The following ESRRG variants were observed in gnomAD, a reference collection of about 807,000 sequenced individuals.
ESRRG encodes the protein estrogen related receptor gamma, also known as estrogen-related receptor gamma.
Under a neutral mutation model 44.0 loss-of-function variants are expected in ESRRG, and 13 were observed. That is an observed-to-expected ratio of 0.30 (90% confidence interval 0.19 to 0.47). ESRRG has a LOEUF of 0.47. ESRRG is among the 20% of genes least tolerant of loss of function. ESRRG has a pLI of 1.00. For synonymous variants in ESRRG, 215 were observed against 214.6 expected, an observed-to-expected ratio of 1.00 and a Z score of -0.02; for missense variants, 395 against 580.6, an observed-to-expected ratio of 0.68 and a Z score of 3.29.
intron 2 of ESRRG, among the ~76,000 whole-genome samples, chr1:216,762,917 A>G (rs995464251): frequency 7.2e-5 from 11 of 152,088 alleles, no homozygotes; most frequent in Non-Finnish European, 1.5e-4. Context: ...GAAATTCTCA[A>G]GACTGTAAAT....
At chr1:216,661,936 C>T (rs528340446) in intron 2 of ESRRG, among the ~76,000 whole-genome samples, 1 of 152,078 alleles carries the variant, frequency 6.6e-6, no homozygotes, top group Non-Finnish European at 1.5e-5. Context: ...ATTGGGCTGC[C>T]TTGTTCTACC....
At chr1:216,852,808 T>A (rs1237759840) in intron 2 of ESRRG, among the ~76,000 whole-genome samples, 1 of 152,262 alleles carries the variant, frequency 6.6e-6, no homozygotes, top group Non-Finnish European at 1.5e-5. Context: ...CATCCTACCT[T>A]ATCTTCTTAC....
intron 1 of ESRRG, among the ~76,000 whole-genome samples, chr1:216,941,986 G>T (rs2065303181): frequency 6.6e-6 from 1 of 152,086 alleles, no homozygotes; most frequent in African/African-American, 2.4e-5. Context: ...GCGATGCTGA[G>T]ATTTGGGCTT....
chr1:216,583,503 A>T (rs1379159633), intron 3 of ESRRG, among the ~76,000 whole-genome samples: 1 of 152,224 alleles, frequency 6.6e-6, no homozygotes, highest in East Asian at 1.9e-4. Context: ...CTCATCAGTC[A>T]AGAAGGTTGC....
At chr1:216,681,239 G>A (rs2151560217) in intron 1 of ESRRG, among the ~76,000 whole-genome samples, 1 of 152,208 alleles carries the variant, frequency 6.6e-6, no homozygotes, top group East Asian at 1.9e-4. Flanking sequence ...ATAAACTAGA[G>A]GGGGAAATAA....
chr1:217,037,909 A>G (rs1184154892), intron 1 of ESRRG, among the ~76,000 whole-genome samples: 1 of 152,150 alleles, frequency 6.6e-6, no homozygotes, highest in Non-Finnish European at 1.5e-5. Flanking sequence ...GGGCAGTCAA[A>G]TCTTAAAGCT....
At chr1:216,602,625 T>C (rs571041079) in intron 3 of ESRRG, among the ~76,000 whole-genome samples, 1 of 152,332 alleles carries the variant, frequency 6.6e-6, no homozygotes, top group African/African-American at 2.4e-5. Context: ...TTGGTGATTG[T>C]GCAGCGGAGA....
At position 216,753,168 on chromosome 1, in the gene ESRRG, A is replaced by G. The variant is rs115293600; in HGVS notation, c.-13-75677T>C. Among the ~76,000 whole-genome samples the G allele has an allele frequency of 9.0e-3, 1,358 of 150,204 alleles. 24 individuals carry two copies. Among genetic ancestry groups the G allele is most frequent in the African/African-American group, 0.032 (1,298 of 40,668 alleles). ...CAAAGGCAAAGGACCATATATCTAT[A>G]TATTGATACACACACACACACACAC... On this transcript the variant is annotated intron_variant, in intron 2 of 7. Transcript: ENST00000359162.
At chr1:216,870,821 G>C (rs913067029) in intron 2 of ESRRG, among the ~76,000 whole-genome samples, 4 of 151,676 alleles carry the variant, frequency 2.6e-5, no homozygotes, top group Non-Finnish European at 5.9e-5. Context: ...AATGGTTGTA[G>C]GATCTGTGAT....
chr1:216,774,443 C>T (rs2093513146), intron 2 of ESRRG, among the ~76,000 whole-genome samples: 1 of 152,110 alleles, frequency 6.6e-6, no homozygotes, highest in Non-Finnish European at 1.5e-5. Context: ...TTCTAAACTT[C>T]AGTCTCCTCT....
chr1:216,898,319 A>G (rs1411141904), intron 2 of ESRRG, among the ~76,000 whole-genome samples: 1 of 152,098 alleles, frequency 6.6e-6, no homozygotes, highest in East Asian at 1.9e-4. Flanking sequence ...CGAGACTACT[A>G]TAAGAAGTTG....
chr1:217,127,994 G>C (rs1253410645), intron 1 of ESRRG, among the ~76,000 whole-genome samples: 1 of 152,178 alleles, frequency 6.6e-6, no homozygotes, highest in African/African-American at 2.4e-5. Context: ...TCCCTCAGAT[G>C]TTTTCAGGTG....
At chr1:216,908,614 C>T (rs1049406620) in intron 2 of ESRRG, among the ~76,000 whole-genome samples, 3 of 151,944 alleles carry the variant, frequency 2.0e-5, no homozygotes, top group South Asian at 4.1e-4. Context: ...TAGATTATAC[C>T]ATATGTCTTT....
chr1:216,589,974 T>C (rs1449602056), intron 3 of ESRRG, among the ~76,000 whole-genome samples: 1 of 137,118 alleles, frequency 7.3e-6, no homozygotes, highest in East Asian at 2.1e-4. Flanking sequence ...GAGAGTAAAA[T>C]TGAAAAAATA....
chr1:217,023,351 T>C (rs923569493), intron 1 of ESRRG, among the ~76,000 whole-genome samples: 42 of 152,208 alleles, frequency 2.8e-4, no homozygotes, highest in African/African-American at 9.6e-4. Flanking sequence ...CCAGAGACTC[T>C]CAGGGAAACT....
Position 217,021,020 on chromosome 1 carries a change from AC to A in ESRRG, c.-106+68486del, listed in dbSNP as rs903664361. On this transcript the variant is annotated intron_variant, in intron 1 of 7. Coordinates refer to the ESRRG transcript ENST00000359162. ...AACACTACCCTTTCATACTAGGAGA[AC>A]CCCCCCATCCCCCAACCCTGCCATG... is the stretch of plus-strand genomic sequence containing the variant. 1.5e-4 allele frequency among the ~76,000 whole-genome samples: 22 copies of A among 146,536 alleles called. No homozygotes were observed. In the South Asian group the frequency reaches 1.7e-3, roughly 11 times the overall value.
In ESRRG at chr1:216,746,630, G is replaced by A. The variant is rs375133019; in HGVS notation, c.-13-69139C>T. On this transcript the variant is annotated intron_variant, in intron 2 of 7. Coordinates refer to the ESRRG transcript ENST00000359162. ...CATTTTTAAAGGTATCACTTGGAACGTCATACCATTTATTTAGATCCTATA... is the reference window on the plus strand; with the variant it reads ...CATTTTTAAAGGTATCACTTGGAACATCATACCATTTATTTAGATCCTATA... Among the ~76,000 whole-genome samples the A allele has an allele frequency of 1.2e-3, 182 of 152,194 alleles. 1 individual carries two copies. Among genetic ancestry groups the A allele is most frequent in the African/African-American group, 4.1e-3 (172 of 41,544 alleles).
Position 216,801,592 on chromosome 1 carries a change from C to T in ESRRG, c.-13-124101G>A, listed in dbSNP as rs79706652. Among the ~76,000 whole-genome samples the T allele has an allele frequency of 8.3e-3, 1,270 of 152,274 alleles. 19 individuals carry two copies. Among genetic ancestry groups the T allele is most frequent in the East Asian group, 0.06 (310 of 5,166 alleles). On this transcript the variant is annotated intron_variant, in intron 2 of 7. Coordinates refer to the ESRRG transcript ENST00000359162. ...CAGCGTTTCCTTTTCTGCACACCTT[C>T]GCCAACATTTCTTATCTCTTGTCTT...
chr1:216,948,628 A>G (rs1376961745), intron 1 of ESRRG, among the ~76,000 whole-genome samples: 1 of 151,998 alleles, frequency 6.6e-6, no homozygotes, highest in Non-Finnish European at 1.5e-5. Context: ...ATAAACTGGT[A>G]TAAGGAATCT....
Sources: gnomAD v4.1 joint callset for allele counts (sites outside exome capture counted in the v4.1 genomes callset) on GRCh38, gnomAD v4.1.1 for gene constraint, MANE v1.5 for transcripts, NCBI Gene and HGNC (gene_info 2026-07-23, HGNC 2026-07-21) for gene names.